The following MBNL1 variants were observed in gnomAD, a reference collection of about 807,000 sequenced individuals.
MBNL1 encodes the protein muscleblind like splicing regulator 1, also known as muscleblind-like protein 1.
A neutral mutation model predicts 42.2 loss-of-function variants in MBNL1; 8 were observed. That is an observed-to-expected ratio of 0.19 (90% CI 0.11 to 0.34). The LOEUF is 0.34. Ranked by LOEUF, MBNL1 falls within the 10% of genes least tolerant of loss-of-function variation. The pLI, the probability that MBNL1 is intolerant of heterozygous loss-of-function variation, is 1.00. For synonymous variants in MBNL1, 169 were observed against 173.9 expected, an observed-to-expected ratio of 0.97 and a Z score of 0.22; for missense variants, 309 against 495.3, an observed-to-expected ratio of 0.62 and a Z score of 3.57.
rs768644006 is a variant in MBNL1 at position 152,465,250 on chromosome 3, C to G, written c.*2884C>G. 2.1e-4 allele frequency: 32 copies of G among 152,312 alleles called. No individual in the cohort carries two copies. Among genetic ancestry groups the G allele is most frequent in the Admixed American group, 1.8e-3 (28 of 15,292 alleles). 9.4% of individuals were successfully genotyped at this position (152,312 alleles called of 1,614,324 possible). ...TACTAAGAACATATATTATTCAGAT[C>G]AGTTTCTGCCAATTTCAGTGGTTTA... On this transcript the variant is annotated 3_prime_UTR_variant, in exon 10 of 10. Transcript: ENST00000324210.
chr3:152,357,811 A>G (rs1414613967), intron 2 of MBNL1, among the ~76,000 whole-genome samples: 3 of 152,224 alleles, frequency 2.0e-5, no homozygotes, highest in Non-Finnish European at 2.9e-5. Context: ...GATGATAAGA[A>G]AGTGATTGAA....
intron 1 of MBNL1, chr3:152,269,310 T>A (rs2038685861): frequency 2.9e-6 from 1 of 349,336 alleles, no homozygotes; most frequent in African/African-American, 2.2e-5. Context: ...CGCCCTTCCC[T>A]GCCGCGGGCT....
intron 2 of MBNL1, among the ~76,000 whole-genome samples, chr3:152,413,095 T>A (rs2098627748): frequency 6.6e-6 from 1 of 152,196 alleles, no homozygotes; most frequent in African/African-American, 2.4e-5. Context: ...CTCTGTGGTT[T>A]ATCTTGCGAG....
At chr3:152,315,926 C>A (rs554983594) in intron 2 of MBNL1, among the ~76,000 whole-genome samples, 1 of 152,132 alleles carries the variant, frequency 6.6e-6, no homozygotes, top group Middle Eastern at 3.4e-3. Context: ...CGCGCACACA[C>A]CCACACGTCT....
At chr3:152,367,545 G>A (rs1481741562) in intron 2 of MBNL1, among the ~76,000 whole-genome samples, 1 of 152,186 alleles carries the variant, frequency 6.6e-6, no homozygotes, top group Non-Finnish European at 1.5e-5. Flanking sequence ...TATATACCCA[G>A]TAATGGGATT....
At chr3:152,397,457 G>A (rs949480321) in intron 2 of MBNL1, among the ~76,000 whole-genome samples, 1 of 152,046 alleles carries the variant, frequency 6.6e-6, no homozygotes, top group East Asian at 1.9e-4. Context: ...AATGTGCAGT[G>A]TTTGGTTTTC....
intron 2 of MBNL1, among the ~76,000 whole-genome samples, chr3:152,245,530 T>A (rs1253226556): frequency 6.6e-6 from 1 of 152,196 alleles, no homozygotes; most frequent in African/African-American, 2.4e-5. Context: ...CAAGATGTAT[T>A]TGAAGCTTTC....
intron 1 of MBNL1, among the ~76,000 whole-genome samples, chr3:152,296,242 T>C (rs2058491210): frequency 6.6e-6 from 1 of 152,050 alleles, no homozygotes; most frequent in Admixed American, 6.6e-5. Flanking sequence ...CATGTTGGAG[T>C]TTCTTCAGCA....
At chr3:152,332,692 T>TTTTG (rs2085645660) in intron 2 of MBNL1, among the ~76,000 whole-genome samples, 1 of 132,926 alleles carries the variant, frequency 7.5e-6, no homozygotes, top group Non-Finnish European at 1.6e-5. Context: ...TTTCATGGTT[T>TTTTG]TGTGTGTGTG....
At chr3:152,333,363 G>A (rs1230453234) in intron 2 of MBNL1, among the ~76,000 whole-genome samples, 1 of 152,214 alleles carries the variant, frequency 6.6e-6, no homozygotes, top group Non-Finnish European at 1.5e-5. Context: ...TATAAGATAA[G>A]TTTGTGTGCA....
chr3:152,313,855 C>T (rs2068654043), intron 2 of MBNL1, among the ~76,000 whole-genome samples: 1 of 152,128 alleles, frequency 6.6e-6, no homozygotes. Flanking sequence ...CTAGCTAAAC[C>T]AGTAGGTATT....
intron 2 of MBNL1, among the ~76,000 whole-genome samples, chr3:152,317,787 T>C (rs1461815698): frequency 6.6e-6 from 1 of 152,188 alleles, no homozygotes; most frequent in African/African-American, 2.4e-5. Context: ...TTCAAATAGA[T>C]GTTCAACGAG....
At chr3:152,327,105 G>A (rs1250161842) in intron 2 of MBNL1, among the ~76,000 whole-genome samples, 1 of 151,754 alleles carries the variant, frequency 6.6e-6, no homozygotes, top group Non-Finnish European at 1.5e-5. Context: ...CACTGCGCTC[G>A]GCTGATAAAT....
At chr3:152,270,494 G>A (rs1039844998) in intron 1 of MBNL1, among the ~76,000 whole-genome samples, 2 of 152,172 alleles carry the variant, frequency 1.3e-5, no homozygotes, top group Non-Finnish European at 2.9e-5. Flanking sequence ...TTATCTCTCT[G>A]TGTGGATTCC....
At chr3:152,340,501 T>C (rs1325860681) in intron 2 of MBNL1, 1 of 1,560,426 alleles carries the variant, frequency 6.4e-7, no homozygotes, top group East Asian at 2.2e-5. Context: ...CAGAGTATAT[T>C]AAAAATAGTG....
intron 1 of MBNL1, among the ~76,000 whole-genome samples, chr3:152,295,292 TTGTC>T (rs1367917836): frequency 5.3e-5 from 8 of 152,320 alleles, no homozygotes; most frequent in Middle Eastern, 3.4e-3. Flanking sequence ...ACTTGAGGGA[TTGTC>T]TGTAACCTGG....
intron 2 of MBNL1, among the ~76,000 whole-genome samples, chr3:152,383,922 C>G (rs1018112325): frequency 1.3e-5 from 2 of 151,948 alleles, no homozygotes; most frequent in African/African-American, 2.4e-5. Context: ...CTCATGGCAC[C>G]TAAATAAATT....
intron 1 of MBNL1, among the ~76,000 whole-genome samples, chr3:152,290,282 T>C (rs574641263): frequency 6.6e-6 from 1 of 152,220 alleles, no homozygotes; most frequent in South Asian, 2.1e-4. Context: ...TAATGAGATA[T>C]GCTTTATATT....
At chr3:152,321,011 T>C (rs1172995476) in intron 2 of MBNL1, among the ~76,000 whole-genome samples, 1 of 152,120 alleles carries the variant, frequency 6.6e-6, no homozygotes, top group Non-Finnish European at 1.5e-5. Context: ...CCAAGAAGTA[T>C]GTCTCTAGAC....
Sources: gnomAD v4.1 joint callset for allele counts (sites outside exome capture counted in the v4.1 genomes callset) on GRCh38, gnomAD v4.1.1 for gene constraint, MANE v1.5 for transcripts, NCBI Gene and HGNC (gene_info 2026-07-23, HGNC 2026-07-21) for gene names.